Variants in QSOX1 observed in about 807,000 individuals in gnomAD.
QSOX1 encodes sulfhydryl oxidase 1.
A neutral mutation model predicts 76.1 loss-of-function variants in QSOX1; 40 were observed. That is an observed-to-expected ratio of 0.53 (90% CI 0.41 to 0.68). QSOX1 has a LOEUF of 0.68. QSOX1 is among the 30% of genes least tolerant of loss of function. The pLI is 0.00. For synonymous variants in QSOX1, 392 were observed against 413.1 expected, an observed-to-expected ratio of 0.95 and a Z score of 0.62; for missense variants, 931 against 974.3, an observed-to-expected ratio of 0.96 and a Z score of 0.59.
chr1:180,187,832 G>A (rs896754455), intron 8 of QSOX1, among the ~76,000 whole-genome samples: 1 of 152,216 alleles, frequency 6.6e-6, no homozygotes, highest in African/African-American at 2.4e-5. Context: ...AGGCATCGGG[G>A]GCATGGGCCT....
chr1:180,186,972 C>T (rs1226709764), intron 8 of QSOX1, among the ~76,000 whole-genome samples: 2 of 152,252 alleles, frequency 1.3e-5, no homozygotes, highest in Non-Finnish European at 2.9e-5. Flanking sequence ...CTCTGCTGCT[C>T]AGTACTGCTG....
intron 1 of QSOX1, among the ~76,000 whole-genome samples, chr1:180,163,202 A>G (rs1361460057): frequency 1.3e-5 from 2 of 151,712 alleles, no homozygotes. Flanking sequence ...TTCTCTTCAC[A>G]ACTTCCTTGT....
At chr1:180,158,941 A>G (rs538358189) in intron 1 of QSOX1, among the ~76,000 whole-genome samples, 4 of 152,210 alleles carry the variant, frequency 2.6e-5, no homozygotes, top group Non-Finnish European at 5.9e-5. Flanking sequence ...CCAGAGAGAC[A>G]TGTGGAGCTC....
chr1:180,197,527 G>A lies in QSOX1; in HGVS notation c.*490G>A. 1 of 895,772 alleles carries A rather than the reference G, an allele frequency of 1.1e-6. No homozygotes were observed. The highest frequency in any genetic ancestry group is 1.7e-6 in the Non-Finnish European group (1 of 587,118). The allele number at this position is 895,772 out of a possible 1,614,324, so 55.5% of individuals were successfully genotyped here. A position where few individuals can be genotyped will look rare whatever the true frequency, so the allele number is the denominator to read the frequency against. ...TGAAGAAGCCTTTGCACCCTGGGAG[G>A]AAGGACCACCCCGGGCCCTCTATGC... On this transcript the variant is annotated 3_prime_UTR_variant, in exon 12 of 12. Transcript: ENST00000367602.
At chr1:180,191,551 C>T (rs974601669) in intron 10 of QSOX1, among the ~76,000 whole-genome samples, 5 of 152,338 alleles carry the variant, frequency 3.3e-5, no homozygotes, top group South Asian at 2.1e-4. Context: ...CTGCAGGTGC[C>T]GGGGACACAG....
Position 180,200,968 on chromosome 1 carries a change from C to T in QSOX1, c.*3931C>T, listed in dbSNP as rs1340817629. ...AGTGGGGACACCCTGAAGGAATCCG[C>T]CTTTTCTAGAGCTCTCGCTCCATTC... On this transcript the variant is annotated 3_prime_UTR_variant, in exon 12 of 12. Coordinates refer to ENST00000367602, the MANE Select transcript of QSOX1 (RefSeq NM_002826.5). The T allele has an allele frequency of 6.6e-6, 1 of 152,022 alleles. No homozygotes were observed. The highest frequency in any genetic ancestry group is 2.4e-5 in the African/African-American group (1 of 41,300). The allele number at this position is 152,022 out of a possible 1,614,324, so 9.4% of individuals were successfully genotyped here. A position where few individuals can be genotyped will look rare whatever the true frequency, so the allele number is the denominator to read the frequency against.
rs1250593840 is a variant in QSOX1, at chr1:180,178,897, G to T, written c.606+13G>T. On this transcript the variant is annotated intron_variant, in intron 5 of 11. Transcript: ENST00000367602. The stretch of plus-strand genomic sequence containing the variant: ...CCTGGGTAGAGAGGTGAGCTGCCCT[G>T]AAGTTCCCTGCAATTCTTGGATAGC... 6.2e-7 allele frequency: 1 copy of T among 1,604,650 alleles called. No individual in the cohort carries two copies. The highest frequency in any genetic ancestry group is 8.5e-7 in the Non-Finnish European group (1 of 1,171,604).
At chr1:180,189,800 C>G in intron 9 of QSOX1, 126 bp downstream of exon 9, 1 of 1,083,602 alleles carries the variant, frequency 9.2e-7, no homozygotes, top group Non-Finnish European at 1.3e-6. Context: ...TTCGTTGGGT[C>G]CTAACAATAA....
chr1:180,186,506 G>A (rs1215866141), intron 8 of QSOX1, among the ~76,000 whole-genome samples: 2 of 152,234 alleles, frequency 1.3e-5, no homozygotes, highest in African/African-American at 4.8e-5. Context: ...CAGAGCCCCA[G>A]TGTGGCTTCC....
At chr1:180,176,805 G>T (rs1484661191) in intron 4 of QSOX1, among the ~76,000 whole-genome samples, 2 of 152,244 alleles carry the variant, frequency 1.3e-5, no homozygotes, top group Non-Finnish European at 2.9e-5. Flanking sequence ...GCCCAGCCTT[G>T]TACACAGTGG....
Position 180,155,130 on chromosome 1 carries a change from G to A in QSOX1, c.223G>A (p.Ala75Thr). ...FFASWCGHCI[A>T]FAPTWKALAE... The stretch of plus-strand genomic sequence containing the variant: ...CGCCTCCTGGTGCGGCCACTGCATC[G>A]CCTTCGCCCCGACGTGGAAGGCGCT... The change falls in exon 1 of 12, where the codon GCC becomes ACC. Residue 75 changes from alanine (A) to threonine (T), a missense_variant. By Grantham distance (58) the Ala-to-Thr change is moderately conservative. Transcript: ENST00000367602. The A allele has an allele frequency of 6.6e-7, 1 of 1,521,102 alleles. No individual in the cohort carries two copies. The highest frequency in any genetic ancestry group is 8.8e-7 in the Non-Finnish European group (1 of 1,138,980). The allele number at this position is 1,521,102 out of a possible 1,614,324, so 94.2% of individuals were successfully genotyped here.
intron 4 of QSOX1, among the ~76,000 whole-genome samples, chr1:180,176,807 A>G (rs1257615190): frequency 2.0e-5 from 3 of 152,340 alleles, no homozygotes; most frequent in Non-Finnish European, 4.4e-5. Flanking sequence ...CCAGCCTTGT[A>G]CACAGTGGAG....
rs150985264 is a variant in QSOX1 at position 180,182,296 on chromosome 1, T to C, written c.729T>C (p.Asn243=). The C allele has an allele frequency of 1.1e-4, 178 of 1,614,252 alleles. No homozygotes were observed. The highest frequency in any genetic ancestry group is 1.6e-4 in the Middle Eastern group (1 of 6,062). ...DFPSCYLLFR[N]GSVSRVPVLM... Reference sequence around the variant, plus strand: ...CCTCTTGCTACCTGCTGTTCCGGAATGGCTCTGTCTCCCGAGTCCCCGTGT... The same window carrying C: ...CCTCTTGCTACCTGCTGTTCCGGAACGGCTCTGTCTCCCGAGTCCCCGTGT... The change falls in exon 6 of 12, where the codon AAT becomes AAC. Residue 243 remains asparagine (N), a synonymous_variant. Coordinates refer to ENST00000367602, the MANE Select transcript of QSOX1 (RefSeq NM_002826.5).
At chr1:180,188,764 G>C (rs1329897006) in intron 8 of QSOX1, among the ~76,000 whole-genome samples, 1 of 152,336 alleles carries the variant, frequency 6.6e-6, no homozygotes, top group South Asian at 2.1e-4. Context: ...GATTTTCTCA[G>C]GGTCCTCATC....
chr1:180,180,661 C>G (rs1183638877), intron 5 of QSOX1, among the ~76,000 whole-genome samples: 1 of 152,194 alleles, frequency 6.6e-6, no homozygotes, highest in Non-Finnish European at 1.5e-5. Context: ...ACTACAGGCG[C>G]CCGCCACCAC....
chr1:180,178,586 G>A (rs1662954130), intron 4 of QSOX1, among the ~76,000 whole-genome samples: 1 of 152,228 alleles, frequency 6.6e-6, no homozygotes, highest in Non-Finnish European at 1.5e-5. Context: ...CCCAAGGTAG[G>A]TCAGATGAAG....
At chr1:180,168,640 G>A (rs1268867819) in intron 2 of QSOX1, among the ~76,000 whole-genome samples, 2 of 152,104 alleles carry the variant, frequency 1.3e-5, no homozygotes, top group Non-Finnish European at 2.9e-5. Context: ...TTCTTACTAA[G>A]TGCAGTTAAA....
chr1:180,194,997 G>GGC (rs1553275526), intron 11 of QSOX1, among the ~76,000 whole-genome samples: 8 of 137,810 alleles, frequency 5.8e-5, no homozygotes, highest in African/African-American at 2.3e-4. Context: ...ACAGCCTCCC[G>GGC]GGGGGGGGAG....
At position 180,155,042 on chromosome 1, in the gene QSOX1, G is replaced by C. The variant is rs1418305283; in HGVS notation, c.135G>C (p.Leu45=). The C allele has an allele frequency of 6.6e-7, 1 of 1,513,498 alleles. No homozygotes were observed. Among genetic ancestry groups the C allele is most frequent in the South Asian group, 1.2e-5 (1 of 81,778 alleles). The allele number at this position is 1,513,498 out of a possible 1,614,324, so 93.8% of individuals were successfully genotyped here. The change falls in exon 1 of 12, where the codon CTG becomes CTC. Residue 45 remains leucine, a synonymous_variant. Coordinates refer to ENST00000367602, the MANE Select transcript of QSOX1 (RefSeq NM_002826.5). ...CGCCTTCCGACCCGCTGACGCTGCT[G>C]CAGGCGGACACGGTGCGCGGCGCGG... ...LYSPSDPLTL[L]QADTVRGAVL...
Sources: allele counts gnomAD v4.1 joint callset (sites outside exome capture counted in the v4.1 genomes callset), GRCh38; gene constraint gnomAD v4.1.1; transcripts MANE v1.5; gene names NCBI Gene and HGNC (gene_info 2026-07-23, HGNC 2026-07-21).